Variants in B3GALT1 observed in about 807,000 individuals in gnomAD.
B3GALT1 encodes beta-1,3-galactosyltransferase 1.
Under a neutral mutation model 23.2 loss-of-function variants are expected in B3GALT1, and 10 were observed. The observed-to-expected ratio is 0.43, with a 90% CI of 0.27 to 0.73. B3GALT1 has a LOEUF of 0.73. Among genes scored for constraint, B3GALT1 ranks in the 30% least tolerant of loss-of-function variants. The pLI is 0.21. For missense variants in B3GALT1, 299 were observed against 405.4 expected (o/e 0.74, Z 2.25); for synonymous variants, 156 against 141.5 (o/e 1.10, Z -0.73).
chr2:167,412,042 CAG>C (rs1698399634), intron 1 of B3GALT1, among the ~76,000 whole-genome samples: 1 of 151,732 alleles, frequency 6.6e-6, no homozygotes, highest in Admixed American at 6.6e-5. Flanking sequence ...TACCAGAGGT[CAG>C]GAAGGGTAGG....
At chr2:167,801,737 A>G (rs996080047) in intron 3 of B3GALT1, among the ~76,000 whole-genome samples, 1 of 152,250 alleles carries the variant, frequency 6.6e-6, no homozygotes, top group African/African-American at 2.4e-5. Flanking sequence ...ATGTCATGCC[A>G]TAATACAACA....
At chr2:167,334,758 T>C (rs776376806) in intron 1 of B3GALT1, among the ~76,000 whole-genome samples, 4 of 152,192 alleles carry the variant, frequency 2.6e-5, no homozygotes, top group Non-Finnish European at 5.9e-5. Flanking sequence ...AGAGATGTTT[T>C]AACAACAGAG....
In B3GALT1 at chr2:167,873,660, CTTG is replaced by C. The variant is rs1203685472; in HGVS notation, c.*3644_*3646del. 2.6e-5 allele frequency: 4 copies of C among 152,228 alleles called. No individual in the cohort carries two copies. Among genetic ancestry groups the C allele is most frequent in the East Asian group, 3.9e-4 (2 of 5,184 alleles). The allele number at this position is 152,228 out of a possible 1,614,324, so 9.4% of individuals were successfully genotyped here. On this transcript the variant is annotated 3_prime_UTR_variant, in exon 5 of 5. Coordinates refer to ENST00000392690, the MANE Select transcript of B3GALT1 (RefSeq NM_020981.4). ...AAAGAAGTAATTTACTAGAACAACG[CTTG>C]TTGATGATAATTGACATTTAGGTAT...
intron 4 of B3GALT1, among the ~76,000 whole-genome samples, chr2:167,856,722 T>TAA (rs1345567544): frequency 1.3e-5 from 2 of 152,148 alleles, no homozygotes; most frequent in African/African-American, 4.8e-5. Context: ...TTGTAGGAGT[T>TAA]AAATAGGTAA....
intron 1 of B3GALT1, among the ~76,000 whole-genome samples, chr2:167,403,310 A>T (rs1351460144): frequency 2.6e-5 from 4 of 151,652 alleles, no homozygotes; most frequent in Non-Finnish European, 5.9e-5. Context: ...GCTGAGAATG[A>T]TGATTTCCAG....
chr2:167,596,728 A>G (rs1322234972), intron 2 of B3GALT1, among the ~76,000 whole-genome samples: 1 of 152,194 alleles, frequency 6.6e-6, no homozygotes, highest in African/African-American at 2.4e-5. Context: ...TAAGATGACC[A>G]CATTAGTGCC....
chr2:167,299,390 C>T (rs1044461274), intron 1 of B3GALT1, among the ~76,000 whole-genome samples: 1 of 152,170 alleles, frequency 6.6e-6, no homozygotes, highest in Non-Finnish European at 1.5e-5. Flanking sequence ...AGTTAGGCCT[C>T]CTCAATTCTG....
At chr2:167,458,685 A>G (rs1369235039) in intron 1 of B3GALT1, among the ~76,000 whole-genome samples, 2 of 152,070 alleles carry the variant, frequency 1.3e-5, no homozygotes, top group African/African-American at 4.8e-5. Flanking sequence ...TGTAGTTTTG[A>G]TTTGCATTTC....
chr2:167,846,281 C>T (rs538957359), intron 4 of B3GALT1, among the ~76,000 whole-genome samples: 1 of 152,080 alleles, frequency 6.6e-6, no homozygotes, highest in African/African-American at 2.4e-5. Context: ...AAGATCGTCA[C>T]CTAGGCACAT....
chr2:167,300,852 T>G (rs1338302614), intron 1 of B3GALT1, among the ~76,000 whole-genome samples: 1 of 152,160 alleles, frequency 6.6e-6, no homozygotes, highest in Non-Finnish European at 1.5e-5. Flanking sequence ...AGATTTTACC[T>G]TATAAAAGTT....
chr2:167,815,195 C>T (rs1688971317), intron 3 of B3GALT1: 1 of 152,206 alleles, frequency 6.6e-6, no homozygotes, highest in Non-Finnish European at 1.5e-5. Context: ...CAGTAAACTT[C>T]CTGCGTGAGA....
At chr2:167,671,585 A>G (rs1312026947) in intron 3 of B3GALT1, among the ~76,000 whole-genome samples, 1 of 152,288 alleles carries the variant, frequency 6.6e-6, no homozygotes, top group East Asian at 1.9e-4. Flanking sequence ...CAAAAATGAC[A>G]TTTAAAAATA....
At chr2:167,607,126 A>AT (rs1684976290) in intron 2 of B3GALT1, among the ~76,000 whole-genome samples, 1 of 152,144 alleles carries the variant, frequency 6.6e-6, no homozygotes, top group Admixed American at 6.5e-5. Flanking sequence ...CAAGAAGAAA[A>AT]CAGATTATTT....
intron 3 of B3GALT1, among the ~76,000 whole-genome samples, chr2:167,719,824 C>T (rs1687203773): frequency 6.6e-6 from 1 of 151,870 alleles, no homozygotes. Context: ...CCCAGCTACT[C>T]AGGAGGCTGA....
chr2:167,419,485 C>G (rs917007006), intron 1 of B3GALT1, among the ~76,000 whole-genome samples: 9 of 152,148 alleles, frequency 5.9e-5, no homozygotes, highest in Non-Finnish European at 1.3e-4. Flanking sequence ...TATCCCCTGT[C>G]CATAAGCACA....
In B3GALT1 at chr2:167,618,963, T is replaced by C. The variant is rs562667287; in HGVS notation, c.-409-27946T>C. 8.5e-5 allele frequency among the ~76,000 whole-genome samples: 13 copies of C among 152,072 alleles called. No homozygotes were observed. In the South Asian group the frequency reaches 2.7e-3, roughly 32 times the overall value. ...TGTTACCTTTTTTTTTTCTTTCTAG[T>C]TAGTAAATATCTTATGGGAAAATAC... is the stretch of plus-strand genomic sequence containing the variant. On this transcript the variant is annotated intron_variant, in intron 2 of 4. Transcript: ENST00000392690.
At chr2:167,716,049 G>A (rs1477612934) in intron 3 of B3GALT1, 4 of 1,598,302 alleles carry the variant, frequency 2.5e-6, no homozygotes, top group Non-Finnish European at 3.4e-6. Flanking sequence ...CCGAGCGGTA[G>A]CGCCGGGCTC....
chr2:167,407,538 C>CA (rs1052720174), intron 1 of B3GALT1, among the ~76,000 whole-genome samples: 79 of 128,684 alleles, frequency 6.1e-4, no homozygotes, highest in African/African-American at 2.2e-3. Flanking sequence ...AGAATATGAA[C>CA]AAAAAAAAGT....
intron 2 of B3GALT1, among the ~76,000 whole-genome samples, chr2:167,618,978 T>C (rs1197698957): frequency 5.3e-5 from 8 of 151,934 alleles, no homozygotes; most frequent in African/African-American, 1.7e-4. Context: ...AAATATCTTA[T>C]GGGAAAATAC....
Sources: gnomAD v4.1 joint callset for allele counts (sites outside exome capture counted in the v4.1 genomes callset) on GRCh38, gnomAD v4.1.1 for gene constraint, MANE v1.5 for transcripts, NCBI Gene and HGNC (gene_info 2026-07-23, HGNC 2026-07-21) for gene names.